The following AADACL4 variants were observed in gnomAD, a reference collection of about 807,000 sequenced individuals.
AADACL4 encodes the protein arylacetamide deacetylase like 4.
In AADACL4, 9 loss-of-function variants were observed where a neutral mutation model predicts 14.1. That is an observed-to-expected ratio of 0.64 (90% CI 0.39 to 1.12). AADACL4 has a LOEUF of 1.12. Ranked by LOEUF, AADACL4 falls within the 50% of genes most tolerant of loss-of-function variation. The probability of loss-of-function intolerance (pLI) is 0.01; values close to 1 mark genes in which losing one functional copy is unlikely to be tolerated. For synonymous variants in AADACL4, 188 were observed against 201.6 expected (o/e 0.93, Z 0.57); for missense variants, 531 against 516.1 (o/e 1.03, Z -0.28).
intron 2 of AADACL4, among the ~76,000 whole-genome samples, chr1:12,652,070 G>T (rs6696355): frequency 6.6e-6 from 1 of 151,132 alleles, no homozygotes; most frequent in African/African-American, 2.4e-5. Flanking sequence ...TGATCTACCC[G>T]CCTCGGCCTC....
Position 12,661,871 on chromosome 1 carries a change from AG to A in AADACL4, c.449+18del. 6.2e-7 allele frequency: 1 copy of A among 1,613,400 alleles called. No homozygotes were observed. Among genetic ancestry groups the A allele is most frequent in the Non-Finnish European group, 8.5e-7 (1 of 1,179,316 alleles). On this transcript the variant is annotated intron_variant, in intron 3 of 3. Coordinates refer to ENST00000376221, the MANE Select transcript of AADACL4 (RefSeq NM_001013630.2). ...GATGATTGGGTGAGTTTCTGGAGAC[AG>A]CTGGTAGGTTCCACAGGGGTGAGAG...
chr1:12,658,137 TTCCTTTC>T (rs1647196640), intron 2 of AADACL4, among the ~76,000 whole-genome samples: 2 of 133,890 alleles, frequency 1.5e-5, no homozygotes, highest in Non-Finnish European at 3.1e-5. Flanking sequence ...CCTTCCTTCC[TTCCTTTC>T]TTTCTTTCTT....
chr1:12,667,019 A>C lies in AADACL4; in HGVS notation c.*284A>C, dbSNP rs1414484066. The C allele has an allele frequency of 2.1e-6, 1 of 466,698 alleles. No homozygotes were observed. Among genetic ancestry groups the C allele is most frequent in the Non-Finnish European group, 3.7e-6 (1 of 267,852 alleles). 28.9% of individuals were successfully genotyped at this position (466,698 alleles called of 1,614,324 possible). On this transcript the variant is annotated 3_prime_UTR_variant, in exon 4 of 4. Transcript: ENST00000376221. ...TCAAAAGGAGAAAAAAATGCCTTTA[A>C]AAATTTCTCAAAGCCCCAACATATA...
rs1372287775 is a variant in AADACL4, at chr1:12,664,238, A to G, written c.450-1723A>G. ...TTTTTTTCTTCGAAATGAAAAAAAT[A>G]ATTTTGTCGTTCTAAGTTGAAAGCC... On this transcript the variant is annotated intron_variant, in intron 3 of 3. Transcript: ENST00000376221. Among the ~76,000 whole-genome samples the G allele has an allele frequency of 3.9e-5, 6 of 152,202 alleles. 1 individual carries two copies. In the South Asian group the frequency reaches 8.3e-4, roughly 21 times the overall value.
chr1:12,657,140 C>CAAAAAA (rs59777423), intron 2 of AADACL4, among the ~76,000 whole-genome samples: 39 of 51,090 alleles, frequency 7.6e-4, no homozygotes, highest in Admixed American at 1.9e-3. Context: ...AAGACTGTCT[C>CAAAAAA]AAAAAAAAAA....
intron 3 of AADACL4, among the ~76,000 whole-genome samples, chr1:12,662,443 C>T (rs2100769545): frequency 6.6e-6 from 1 of 152,216 alleles, no homozygotes; most frequent in Middle Eastern, 3.4e-3. Flanking sequence ...TCTGCAGGTG[C>T]TTATTGCATT....
At chr1:12,649,848 G>T (rs6541050) in intron 1 of AADACL4, among the ~76,000 whole-genome samples, 10,234 of 152,258 alleles carry the variant, frequency 0.067, 517 homozygotes, top group African/African-American at 0.14. Context: ...GGAGTTTGGG[G>T]TCAGACTTGA....
At chr1:12,652,582 ACACT>A (rs1447304700) in intron 2 of AADACL4, among the ~76,000 whole-genome samples, 1 of 152,264 alleles carries the variant, frequency 6.6e-6, no homozygotes, top group African/African-American at 2.4e-5. Context: ...GAAAAAGCAC[ACACT>A]CAAGAAAAGG....
At position 12,666,021 on chromosome 1, in the gene AADACL4, C is replaced by T; in HGVS notation, c.510C>T (p.Ser170=). The change falls in exon 4 of 4, where the codon TCC becomes TCT. Residue 170 remains serine (S), a synonymous_variant. Coordinates refer to ENST00000376221, the MANE Select transcript of AADACL4 (RefSeq NM_001013630.2). ...TTTTCCAAGACTGCATGAATGCCTC[C>T]ATTCACTTCCTGAAGGCCCTGGAAA... ...PALFQDCMNA[S]IHFLKALETY... The T allele has an allele frequency of 6.2e-7, 1 of 1,614,204 alleles. No individual in the cohort carries two copies. The highest frequency in any genetic ancestry group is 1.1e-5 in the South Asian group (1 of 91,080).
rs1176441821 is a variant in AADACL4 at position 12,666,512 on chromosome 1, C to T, written c.1001C>T (p.Ala334Val). ...SPLIADDEVI[A>V]QLPEAFLVSC... The stretch of plus-strand genomic sequence containing the variant: ...CTGATAGCAGATGATGAGGTCATCG[C>T]TCAGCTTCCTGAGGCCTTCCTGGTG... The change falls in exon 4 of 4, where the codon GCT (alanine) becomes GTT (valine). Residue 334 changes from alanine (A) to valine (V), a missense_variant. Transcript: ENST00000376221. 2 of 1,614,230 alleles carry T rather than the reference C, an allele frequency of 1.2e-6. No individual in the cohort carries two copies. The highest frequency in any genetic ancestry group is 1.3e-5 in the African/African-American group (1 of 75,060).
At chr1:12,649,494 T>G (rs1050773134) in intron 1 of AADACL4, among the ~76,000 whole-genome samples, 3 of 152,184 alleles carry the variant, frequency 2.0e-5, no homozygotes, top group Non-Finnish European at 4.4e-5. Context: ...GTGGGTCAGT[T>G]GATGGGAAAA....
At chr1:12,661,313 T>C (rs1278417670) in intron 2 of AADACL4, among the ~76,000 whole-genome samples, 1 of 152,184 alleles carries the variant, frequency 6.6e-6, no homozygotes, top group African/African-American at 2.4e-5. Context: ...TGGCAGTGAT[T>C]CTGTGTCTGC....
chr1:12,655,236 C>T (rs542153341), intron 2 of AADACL4, among the ~76,000 whole-genome samples: 1 of 152,258 alleles, frequency 6.6e-6, no homozygotes, highest in East Asian at 1.9e-4. Flanking sequence ...ACACCTGTGA[C>T]ACTGTAGTTT....
chr1:12,659,150 A>C (rs550494435), intron 2 of AADACL4, among the ~76,000 whole-genome samples: 1 of 152,154 alleles, frequency 6.6e-6, no homozygotes, highest in African/African-American at 2.4e-5. Flanking sequence ...CGAGATTAGG[A>C]TGTACTGCCA....
At chr1:12,662,175 A>G (rs1647239590) in intron 3 of AADACL4, among the ~76,000 whole-genome samples, 1 of 152,260 alleles carries the variant, frequency 6.6e-6, no homozygotes, top group Admixed American at 6.5e-5. Flanking sequence ...TCTTAGTAGT[A>G]TAAAACTAAG....
intron 2 of AADACL4, among the ~76,000 whole-genome samples, 173 bp from the exon 3 acceptor site, chr1:12,661,618 A>T (rs534073202): frequency 2.0e-5 from 3 of 152,050 alleles, no homozygotes; most frequent in South Asian, 2.1e-4. Flanking sequence ...CTGGGGACAG[A>T]TGTATGATTT....
intron 2 of AADACL4, among the ~76,000 whole-genome samples, chr1:12,656,763 A>T (rs1048270304): frequency 1.3e-5 from 2 of 152,174 alleles, no homozygotes; most frequent in African/African-American, 4.8e-5. Flanking sequence ...CTCCTTGGAA[A>T]CCATCCATCC....
chr1:12,648,346 ATCCTTCCTTCCTTCCT>A (rs34475360), intron 1 of AADACL4, among the ~76,000 whole-genome samples: 25 of 140,502 alleles, frequency 1.8e-4, no homozygotes, highest in Non-Finnish European at 2.6e-4. Context: ...TGGACCTCAG[ATCCTTCCTTCCTTCCT>A]TCCTTCCTTC....
chr1:12,666,778 T>C lies in AADACL4; in HGVS notation c.*43T>C. On this transcript the variant is annotated 3_prime_UTR_variant, in exon 4 of 4. Coordinates refer to ENST00000376221, the MANE Select transcript of AADACL4 (RefSeq NM_001013630.2). ...CGAGGAGGAAGGGGCAAGTATGGACTCTACCAGAAACCGGGTGCTTTAGTG... is the reference window on the plus strand; with the variant it reads ...CGAGGAGGAAGGGGCAAGTATGGACCCTACCAGAAACCGGGTGCTTTAGTG... The C allele has an allele frequency of 1.3e-6, 2 of 1,528,578 alleles. No homozygotes were observed. The highest frequency in any genetic ancestry group is 8.7e-7 in the Non-Finnish European group (1 of 1,143,890). 94.7% of individuals were successfully genotyped at this position (1,528,578 alleles called of 1,614,324 possible). A position where few individuals can be genotyped will look rare whatever the true frequency, so the allele number is the denominator to read the frequency against.
Sources: allele counts gnomAD v4.1 joint callset (sites outside exome capture counted in the v4.1 genomes callset), GRCh38; gene constraint gnomAD v4.1.1; transcripts MANE v1.5; gene names NCBI Gene and HGNC (gene_info 2026-07-23, HGNC 2026-07-21).